SNX7: variants seen among roughly 807,000 people sequenced by gnomAD.
The protein encoded by SNX7 is sorting nexin-7.
In SNX7, 35 loss-of-function variants were observed where a neutral mutation model predicts 48.4. The observed-to-expected ratio is 0.72, with a 90% CI of 0.55 to 0.96. The LOEUF is 0.96. Among genes scored for constraint, SNX7 ranks in the 40% least tolerant of loss-of-function variants. The pLI is 0.00. For missense variants in SNX7, 553 were observed against 548.9 expected (o/e 1.01, Z -0.07); for synonymous variants, 190 against 190.2 (o/e 1.00, Z 0.01).
rs533070289 is a variant in SNX7 at position 98,691,632 on chromosome 1, G to T, written c.572G>T (p.Arg191Leu). ...RRKALHKFLN[R>L]IADHPTLTFN... The stretch of plus-strand genomic sequence containing the variant: ...AAGGCTTTACATAAATTTTTGAACC[G>T]AATTGCTGATCATCCAACTTTAACA... Residue 191 changes from arginine to leucine, a missense_variant, in exon 4 of 9, where the codon CGA becomes CTA. Arg to Leu is a moderately radical substitution (Grantham distance 102). Coordinates refer to ENST00000306121, the MANE Select transcript of SNX7 (RefSeq NM_015976.5). The T allele has an allele frequency of 4.3e-6, 7 of 1,610,874 alleles. No homozygotes were observed. The East Asian group carries it at 1.3e-4, about 31-fold the overall frequency.
chr1:98,684,469 G>C (rs1191593192), intron 1 of SNX7, among the ~76,000 whole-genome samples: 1 of 152,138 alleles, frequency 6.6e-6, no homozygotes, highest in Non-Finnish European at 1.5e-5. Flanking sequence ...ATGGCAGACA[G>C]TGAAAGGGCA....
chr1:98,662,078 C>T (rs1649262421), intron 1 of SNX7, 167 bp downstream of exon 1: 4 of 657,690 alleles, frequency 6.1e-6, no homozygotes, highest in Non-Finnish European at 4.3e-6. Flanking sequence ...CCAGCTCTGG[C>T]CGCACCCGGG....
chr1:98,733,231 C>T (rs776920257), intron 7 of SNX7, among the ~76,000 whole-genome samples: 3 of 152,098 alleles, frequency 2.0e-5, no homozygotes, highest in Admixed American at 6.6e-5. Flanking sequence ...TCACACCCTA[C>T]GGTATTTGTT....
intron 7 of SNX7, among the ~76,000 whole-genome samples, chr1:98,723,319 C>T (rs1184110649): frequency 1.4e-5 from 2 of 141,312 alleles, no homozygotes; most frequent in Non-Finnish European, 3.2e-5. Flanking sequence ...TTTGAAACTC[C>T]TTCAGTATCT....
At chr1:98,717,280 A>G (rs1652640947) in intron 7 of SNX7, among the ~76,000 whole-genome samples, 1 of 152,188 alleles carries the variant, frequency 6.6e-6, no homozygotes, top group African/African-American at 2.4e-5. Context: ...AGTCTCACAC[A>G]ATACAATGGG....
At chr1:98,688,398 C>G (rs920444576) in intron 2 of SNX7, among the ~76,000 whole-genome samples, 23 of 152,208 alleles carry the variant, frequency 1.5e-4, no homozygotes, top group African/African-American at 5.5e-4. Context: ...TTTTGGAGAT[C>G]TAAAGATGTA....
intron 7 of SNX7, among the ~76,000 whole-genome samples, chr1:98,719,717 G>A (rs1652765497): frequency 6.6e-6 from 1 of 151,290 alleles, no homozygotes; most frequent in Admixed American, 6.6e-5. Context: ...TTACCTTTAA[G>A]GATGAGTTAG....
intron 1 of SNX7, among the ~76,000 whole-genome samples, chr1:98,676,603 G>C (rs1274989210): frequency 6.6e-6 from 1 of 152,170 alleles, no homozygotes; most frequent in East Asian, 1.9e-4. Context: ...CTTTTTGTGG[G>C]AAGAGCCTTT....
intron 1 of SNX7, among the ~76,000 whole-genome samples, chr1:98,664,658 A>G (rs1013680366): frequency 7.2e-5 from 11 of 152,222 alleles, no homozygotes; most frequent in Admixed American, 2.6e-4. Flanking sequence ...TGCTATCACA[A>G]TCTTATACTC....
intron 6 of SNX7, among the ~76,000 whole-genome samples, chr1:98,700,969 C>G (rs751603599): frequency 1.3e-5 from 2 of 152,068 alleles, no homozygotes; most frequent in Admixed American, 6.6e-5. Context: ...TTAACCTGTT[C>G]AGGCCATTTG....
In SNX7 at chr1:98,733,966, C is replaced by T. The variant is rs1653646930; in HGVS notation, c.1126-4271C>T. Among the ~76,000 whole-genome samples the T allele has an allele frequency of 2.0e-5, 3 of 152,098 alleles. No homozygotes were observed. The South Asian group carries it at 6.2e-4, about 32-fold the overall frequency. On this transcript the variant is annotated intron_variant, in intron 7 of 8. Transcript: ENST00000306121. ...GTGGATTATCATCTCTTGCAAAATCCTTTTCATGCTCAATATCATTTCCAG... is the reference window on the plus strand; with the variant it reads ...GTGGATTATCATCTCTTGCAAAATCTTTTTCATGCTCAATATCATTTCCAG...
chr1:98,744,525 C>T (rs1654226971), intron 8 of SNX7, among the ~76,000 whole-genome samples: 1 of 151,832 alleles, frequency 6.6e-6, no homozygotes, highest in Non-Finnish European at 1.5e-5. Flanking sequence ...GTATGAGGAG[C>T]ATCTCTGGAA....
intron 4 of SNX7, among the ~76,000 whole-genome samples, chr1:98,694,233 G>A (rs1281115791): frequency 2.0e-5 from 3 of 151,956 alleles, no homozygotes; most frequent in Admixed American, 6.6e-5. Context: ...AGCCGGGCGC[G>A]GTGGTGGGCA....
chr1:98,751,525 CAA>C (rs1160911607), intron 8 of SNX7, among the ~76,000 whole-genome samples: 3 of 152,014 alleles, frequency 2.0e-5, no homozygotes, highest in Non-Finnish European at 4.4e-5. Flanking sequence ...GTTCTCTCCT[CAA>C]AGAGAAATTG....
intron 4 of SNX7, 106 bp downstream of exon 4, chr1:98,691,805 GA>G: frequency 2.2e-6 from 2 of 916,794 alleles, no homozygotes. Context: ...TGGTGTACTT[GA>G]ATTGAGATGG....
At chr1:98,756,517 C>T (rs571424046) in intron 8 of SNX7, among the ~76,000 whole-genome samples, 20 of 141,044 alleles carry the variant, frequency 1.4e-4, no homozygotes, top group African/African-American at 5.2e-4. Flanking sequence ...TTCCAGTCTG[C>T]CTGATGGGAT....
intron 7 of SNX7, among the ~76,000 whole-genome samples, chr1:98,716,645 A>T (rs1652605654): frequency 6.6e-6 from 1 of 152,132 alleles, no homozygotes; most frequent in South Asian, 2.1e-4. Context: ...GCTCACAGTT[A>T]TACAGCTAGT....
intron 5 of SNX7, among the ~76,000 whole-genome samples, chr1:98,696,944 A>T (rs989393802): frequency 6.6e-6 from 1 of 152,150 alleles, no homozygotes; most frequent in African/African-American, 2.4e-5. Context: ...GGAAATATGT[A>T]TATTAACAGA....
At chr1:98,741,002 GA>G (rs1305773314) in intron 8 of SNX7, among the ~76,000 whole-genome samples, 1 of 152,096 alleles carries the variant, frequency 6.6e-6, no homozygotes, top group Non-Finnish European at 1.5e-5. Context: ...GCCCTTAAAT[GA>G]TCAGGGATTC....
Sources: gnomAD v4.1 joint callset for allele counts (sites outside exome capture counted in the v4.1 genomes callset) on GRCh38, gnomAD v4.1.1 for gene constraint, MANE v1.5 for transcripts, NCBI Gene and HGNC (gene_info 2026-07-23, HGNC 2026-07-21) for gene names.